DSEL: variants seen among roughly 807,000 people sequenced by gnomAD.
The protein encoded by DSEL is dermatan sulfate epimerase like, also known as dermatan-sulfate epimerase-like protein.
A neutral mutation model predicts 96.6 loss-of-function variants in DSEL; 61 were observed. That is an observed-to-expected ratio of 0.63 (90% CI 0.51 to 0.78). The LOEUF (loss-of-function observed/expected upper bound fraction) is 0.78. DSEL is among the 30% of genes least tolerant of loss of function. The pLI, the probability that DSEL is intolerant of heterozygous loss-of-function variation, is 0.00. For synonymous variants in DSEL, 514 were observed against 502.0 expected (o/e 1.02, Z -0.32); for missense variants, 1,320 against 1,430.8 (o/e 0.92, Z 1.25).
Position 67,511,080 on chromosome 18 carries a change from TTGG to T in DSEL, c.3526_3528del (p.Pro1176del). 1 of 1,614,104 alleles carries T rather than the reference TTGG, an allele frequency of 6.2e-7. No homozygotes were observed. The highest frequency in any genetic ancestry group is 8.5e-7 in the Non-Finnish European group (1 of 1,179,984). The stretch of plus-strand genomic sequence containing the variant: ...TTCTGTTTCCAAACATTAGTATTAG[TTGG>T]TGATATTTCCCCTTCATAGGGAAGG... On this transcript the variant is annotated inframe_deletion, in exon 2 of 2. Transcript: ENST00000310045.
In DSEL at chr18:67,512,593, T is replaced by C. The variant is rs1428631730; in HGVS notation, c.2016A>G (p.Glu672=). 6.2e-7 allele frequency: 1 copy of C among 1,614,052 alleles called. No individual in the cohort carries two copies. Among genetic ancestry groups the C allele is most frequent in the Admixed American group, 1.7e-5 (1 of 60,012 alleles). Residue 672 remains glutamate, a synonymous_variant, in exon 2 of 2, where the codon GAA becomes GAG. Coordinates refer to ENST00000310045, the MANE Select transcript of DSEL (RefSeq NM_032160.3). ...TQFVNVTFQM[E]PTITRIAYVF... ...CATATGCAATTCTTGTGATTGTGGG[T>C]TCCATCTGAAAAGTAACATTAACAA...
Position 67,506,628 on chromosome 18 carries a change from T to C in DSEL, c.*4342A>G, listed in dbSNP as rs911089323. 1.3e-5 allele frequency: 2 copies of C among 152,138 alleles called. No homozygotes were observed. The highest frequency in any genetic ancestry group is 1.3e-4 in the Admixed American group (2 of 15,276). The allele number at this position is 152,138 out of a possible 1,614,324, so 9.4% of individuals were successfully genotyped here. On this transcript the variant is annotated 3_prime_UTR_variant, in exon 2 of 2. Transcript: ENST00000310045. ...ATTTTTGTATTAACAGGAGTCTTAT[T>C]ACACATAGGTCTGATAAAACTGGTT... is the stretch of plus-strand genomic sequence containing the variant.
In DSEL at chr18:67,511,286, G is replaced by A; in HGVS notation, c.3323C>T (p.Ala1108Val). 3 of 1,609,830 alleles carry A rather than the reference G, an allele frequency of 1.9e-6. No individual in the cohort carries two copies. The highest frequency in any genetic ancestry group is 2.5e-6 in the Non-Finnish European group (3 of 1,179,980). The change falls in exon 2 of 2, where the codon GCA (alanine) becomes GTA (valine). Residue 1108 changes from alanine (A) to valine (V), a missense_variant. Around this residue, in one of 3 missense-constraint regions of DSEL, gnomAD observed 986 missense variants for 1,066.4 expected, o/e 0.92. Transcript: ENST00000310045. The stretch of plus-strand genomic sequence containing the variant: ...ATCTGTATTTATTCTCAAGGCTGCT[G>A]CTGTATTTGCTAGCCACAAGTGAGA... ...LLSHLWLANT[A>V]AALRINTDLL...
At position 67,513,959 on chromosome 18, in the gene DSEL, C is replaced by T. The variant is rs929846348; in HGVS notation, c.650G>A (p.Gly217Asp). ...MYEYSKVRSW[G>D]KQLLHNHQAT... is the part of the protein sequence containing the mutation. Reference sequence around the variant, plus strand: ...TTGGTGGTTATGGAGAAGCTGTTTGCCCCATGAGCGGACCTTGGAATACTC... The same window carrying T: ...TTGGTGGTTATGGAGAAGCTGTTTGTCCCATGAGCGGACCTTGGAATACTC... The change falls in exon 2 of 2, where the codon GGC becomes GAC. Residue 217 changes from glycine (G) to aspartate (D), a missense_variant. By Grantham distance (94) the Gly-to-Asp change is moderately conservative. Transcript: ENST00000310045. 1.9e-6 allele frequency: 3 copies of T among 1,614,026 alleles called. No individual in the cohort carries two copies. Among genetic ancestry groups the T allele is most frequent in the African/African-American group, 2.7e-5 (2 of 74,908 alleles).
chr18:67,511,573 C>G lies in DSEL; in HGVS notation c.3036G>C (p.Lys1012Asn). 6.2e-7 allele frequency: 1 copy of G among 1,613,288 alleles called. No individual in the cohort carries two copies. The highest frequency in any genetic ancestry group is 8.5e-7 in the Non-Finnish European group (1 of 1,179,838). ...LSLSSGSWTL[K>N]LHFFQEVLGA... ...CTAAAACTTCCTGAAAAAAATGAAG[C>G]TTTAACGTCCAGCTTCCACTGCTTA... The change falls in exon 2 of 2, where the codon AAG (lysine) becomes AAC (asparagine). Residue 1012 changes from lysine (K) to asparagine (N), a missense_variant. Around this residue, in one of 3 missense-constraint regions of DSEL, gnomAD observed 986 missense variants for 1,066.4 expected, o/e 0.92. Coordinates refer to ENST00000310045, the MANE Select transcript of DSEL (RefSeq NM_032160.3).
chr18:67,508,731 CT>C lies in DSEL; in HGVS notation c.*2238del, dbSNP rs71171183. On this transcript the variant is annotated 3_prime_UTR_variant, in exon 2 of 2. Transcript: ENST00000310045. ...TGCCAACAGGTACATTTCTTTTTTT[CT>C]TTTTTTTTTTTTTTTGAGGCGGAGT... 243 of 126,804 alleles carry C rather than the reference CT, an allele frequency of 1.9e-3. No individual in the cohort carries two copies. Among genetic ancestry groups the C allele is most frequent in the African/African-American group, 4.5e-3 (151 of 33,302 alleles). The allele number at this position is 126,804 out of a possible 1,614,324, so 7.9% of individuals were successfully genotyped here.
In DSEL at chr18:67,511,613, C is replaced by G; in HGVS notation, c.2996G>C (p.Arg999Pro). 1 of 1,614,168 alleles carries G rather than the reference C, an allele frequency of 6.2e-7. No homozygotes were observed. The highest frequency in any genetic ancestry group is 8.5e-7 in the Non-Finnish European group (1 of 1,180,028). Residue 999 changes from arginine to proline, a missense_variant, in exon 2 of 2, where the codon CGT becomes CCT. By Grantham distance (103) the Arg-to-Pro change is moderately radical (BLOSUM62 -2). This residue lies in a region of DSEL where 986 missense variants were observed against 1,066.4 expected (regional missense o/e 0.92). Transcript: ENST00000310045. ...TCCACTGCTTAAACTGAGCACAGGACGTGCACTTGGATAGTAAACCAGGTG... is the reference window on the plus strand; with the variant it reads ...TCCACTGCTTAAACTGAGCACAGGAGGTGCACTTGGATAGTAAACCAGGTG... ...RRHLVYYPSA[R>P]PVLSLSSGSW...
chr18:67,514,560 A>C lies in DSEL; in HGVS notation c.49T>G (p.Phe17Val), dbSNP rs759818489. 6.2e-7 allele frequency: 1 copy of C among 1,614,202 alleles called. No individual in the cohort carries two copies. Among genetic ancestry groups the C allele is most frequent in the Admixed American group, 1.7e-5 (1 of 60,032 alleles). Residue 17 changes from phenylalanine (F) to valine (V), a missense_variant, in exon 2 of 2, where the codon TTT (phenylalanine) becomes GTT (valine). Phe to Val is a conservative substitution (Grantham distance 50, BLOSUM62 -1). Around this residue, in one of 3 missense-constraint regions of DSEL, gnomAD observed 323 missense variants for 333.1 expected, o/e 0.97. Transcript: ENST00000310045. ...GATTCCTCAAAAGTAGAGAAAGCAA[A>C]CATCAATAATGCTAAGAATAGTAAA... ...GHLLFLALLM[F>V]AFSTFEESVS...
chr18:67,511,109 T>TA lies in DSEL; in HGVS notation c.3499dup (p.Tyr1167LeufsTer5), dbSNP rs764875790. ...TGATATTTCCCCTTCATAGGGAAGG[T>TA]AAAAAAGGTTTGTAGAGGTGGCAAA... On this transcript the variant is annotated frameshift_variant, in exon 2 of 2. Transcript: ENST00000310045. LOFTEE classifies it high-confidence loss of function. 1 of 1,614,100 alleles carries TA rather than the reference T, an allele frequency of 6.2e-7. No homozygotes were observed. The highest frequency in any genetic ancestry group is 8.5e-7 in the Non-Finnish European group (1 of 1,180,004).
rs910932809 is a variant in DSEL at position 67,513,506 on chromosome 18, C to T, written c.1103G>A (p.Arg368Gln). ...NWLAQQIRKH[R>Q]PKDGPMVPST... ...AGGAACCATCGGTCCATCTTTAGGT[C>T]GGTGCTTTCTAATTTGCTGAGCTAA... Residue 368 changes from arginine (R) to glutamine (Q), a missense_variant, in exon 2 of 2, where the codon CGA becomes CAA. Transcript: ENST00000310045. 21 of 1,614,012 alleles carry T rather than the reference C, an allele frequency of 1.3e-5. No individual in the cohort carries two copies. Among genetic ancestry groups the T allele is most frequent in the African/African-American group, 4.0e-5 (3 of 74,886 alleles).
In DSEL at chr18:67,512,483, T is replaced by C. The variant is rs1196670514; in HGVS notation, c.2126A>G (p.Asn709Ser). ...NPGLQISLNV[N>S]NTEHVVSIVT... ...AATAGAAACAACATGTTCAGTATTA[T>C]TGACATTGAGAGAAATCTGAAGTCC... Residue 709 changes from asparagine (N) to serine (S), a missense_variant, in exon 2 of 2, where the codon AAT becomes AGT. Asn to Ser is a conservative substitution (Grantham distance 46). Around this residue, in one of 3 missense-constraint regions of DSEL, gnomAD observed 986 missense variants for 1,066.4 expected, o/e 0.92. Coordinates refer to ENST00000310045, the MANE Select transcript of DSEL (RefSeq NM_032160.3). 1 of 1,614,112 alleles carries C rather than the reference T, an allele frequency of 6.2e-7. No individual in the cohort carries two copies. The highest frequency in any genetic ancestry group is 1.1e-5 in the South Asian group (1 of 91,082).
chr18:67,512,751 A>G lies in DSEL; in HGVS notation c.1858T>C (p.Tyr620His). The change falls in exon 2 of 2, where the codon TAT (tyrosine) becomes CAT (histidine). Residue 620 changes from tyrosine (Y) to histidine (H), a missense_variant. By Grantham distance (83) the Tyr-to-His change is moderately conservative. This residue lies in a region of DSEL where 986 missense variants were observed against 1,066.4 expected (regional missense o/e 0.92). Coordinates refer to ENST00000310045, the MANE Select transcript of DSEL (RefSeq NM_032160.3). ...KYIPYKFMNR[Y>H]NGAMMDVWDA... ...CACACATCCATCATGGCACCATTAT[A>G]CCTATTCATAAACTTATATGGGATA... is the stretch of plus-strand genomic sequence containing the variant. 1.2e-6 allele frequency: 2 copies of G among 1,614,072 alleles called. No individual in the cohort carries two copies. Among genetic ancestry groups the G allele is most frequent in the Non-Finnish European group, 1.7e-6 (2 of 1,179,994 alleles).
rs1454188395 is a variant in DSEL, at chr18:67,508,024, A to C, written c.*2946T>G. On this transcript the variant is annotated 3_prime_UTR_variant, in exon 2 of 2. Coordinates refer to ENST00000310045, the MANE Select transcript of DSEL (RefSeq NM_032160.3). Reference sequence around the variant, plus strand: ...TTACTTCACTTTTGTCAGCAAAATTAATAAGTCCTTTCAAAATTTTAAAAT... The same window carrying C: ...TTACTTCACTTTTGTCAGCAAAATTCATAAGTCCTTTCAAAATTTTAAAAT... 6.6e-6 allele frequency: 1 copy of C among 152,172 alleles called. No individual in the cohort carries two copies. The highest frequency in any genetic ancestry group is 1.5e-5 in the Non-Finnish European group (1 of 68,020). The allele number at this position is 152,172 out of a possible 1,614,324, so 9.4% of individuals were successfully genotyped here.
rs768501359 is a variant in DSEL at position 67,512,106 on chromosome 18, C to T, written c.2503G>A (p.Glu835Lys). The change falls in exon 2 of 2, where the codon GAG (glutamate) becomes AAG (lysine). Residue 835 changes from glutamate (E) to lysine (K), a missense_variant. Physicochemically the swap from Glu to Lys is moderately conservative, Grantham distance 56 (BLOSUM62 1). This residue lies in a region of DSEL where 986 missense variants were observed against 1,066.4 expected (regional missense o/e 0.92). Coordinates refer to ENST00000310045, the MANE Select transcript of DSEL (RefSeq NM_032160.3). The part of the protein sequence containing the change: ...QPICAKWTRT[E>K]AEGSKKSLSS... ...AAAGACTTCTTGCTTCCCTCAGCCT[C>T]TGTCCTTGTCCATTTTGCACAAATG... 2 of 1,614,204 alleles carry T rather than the reference C, an allele frequency of 1.2e-6. No individual in the cohort carries two copies. The highest frequency in any genetic ancestry group is 2.2e-5 in the South Asian group (2 of 91,078).
chr18:67,511,760 T>C lies in DSEL; in HGVS notation c.2849A>G (p.Tyr950Cys). The change falls in exon 2 of 2, where the codon TAT becomes TGT. Residue 950 changes from tyrosine to cysteine, a missense_variant. Tyr to Cys is a radical substitution (Grantham distance 194). Coordinates refer to ENST00000310045, the MANE Select transcript of DSEL (RefSeq NM_032160.3). ...TTTTTTGTCCTTATTCATTGCAAAATATTGGGCCAGTTTACCCCTATTGGG... is the reference window on the plus strand; with the variant it reads ...TTTTTTGTCCTTATTCATTGCAAAACATTGGGCCAGTTTACCCCTATTGGG... The part of the protein sequence containing the change: ...HEPNRGKLAQ[Y>C]FAMNKDKKRK... 1 of 1,614,162 alleles carries C rather than the reference T, an allele frequency of 6.2e-7. No individual in the cohort carries two copies. Among genetic ancestry groups the C allele is most frequent in the Non-Finnish European group, 8.5e-7 (1 of 1,180,028 alleles).
rs1384133601 is a variant in DSEL at position 67,512,413 on chromosome 18, T to A, written c.2196A>T (p.Gly732=). 1 of 1,614,072 alleles carries A rather than the reference T, an allele frequency of 6.2e-7. No individual in the cohort carries two copies. The highest frequency in any genetic ancestry group is 2.2e-5 in the East Asian group (1 of 44,890). The change falls in exon 2 of 2, where the codon GGA becomes GGT. Residue 732 remains glycine, a synonymous_variant. Coordinates refer to ENST00000310045, the MANE Select transcript of DSEL (RefSeq NM_032160.3). ...CAGCCACACTGGCAAAGCCACCGAATCCCAGATAATTGAATCTTGTCTTCA... is the reference window on the plus strand; with the variant it reads ...CAGCCACACTGGCAAAGCCACCGAAACCCAGATAATTGAATCTTGTCTTCA... ...HNLKTRFNYL[G]FGGFASVADQ...
Position 67,506,589 on chromosome 18 carries a change from G to A in DSEL, c.*4381C>T, listed in dbSNP as rs1312958834. ...AAATTATCCCAATCATAGACAAGTT[G>A]CTTTTAGCTTTTTATTTTTGTATTA... On this transcript the variant is annotated 3_prime_UTR_variant, in exon 2 of 2. Transcript: ENST00000310045. 1 of 152,012 alleles carries A rather than the reference G, an allele frequency of 6.6e-6. No individual in the cohort carries two copies. The highest frequency in any genetic ancestry group is 1.5e-5 in the Non-Finnish European group (1 of 68,010). The allele number at this position is 152,012 out of a possible 1,614,324, so 9.4% of individuals were successfully genotyped here. A position where few individuals can be genotyped will look rare whatever the true frequency, so the allele number is the denominator to read the frequency against.
chr18:67,511,890 TC>T lies in DSEL; in HGVS notation c.2718del (p.Trp906Ter). On this transcript the variant is annotated frameshift_variant, in exon 2 of 2. Coordinates refer to ENST00000310045, the MANE Select transcript of DSEL (RefSeq NM_032160.3). LOFTEE classifies it high-confidence loss of function. ...EIDSFVDACE[W>X]KVSDIRSGHF... is the part of the protein sequence containing the mutation. ...TGCCCACTGCGGATATCTGACACCTTCCATTCACAAGCATCTACAAATGAGT... is the reference window on the plus strand; with the variant it reads ...TGCCCACTGCGGATATCTGACACCTTCATTCACAAGCATCTACAAATGAGT... 1 of 1,614,144 alleles carries T rather than the reference TC, an allele frequency of 6.2e-7. No homozygotes were observed. The highest frequency in any genetic ancestry group is 8.5e-7 in the Non-Finnish European group (1 of 1,180,028).
In DSEL at chr18:67,513,644, C is replaced by T. The variant is rs2089457855; in HGVS notation, c.965G>A (p.Gly322Asp). The part of the protein sequence containing the change: ...FWFYYATLLP[G>D]FQRTVGIADS... ...TGCTATACCCACAGTTCTTTGGAAG[C>T]CAGGTAAAAGGGTGGCATAATAGAA... Residue 322 changes from glycine to aspartate, a missense_variant, in exon 2 of 2, where the codon GGC becomes GAC. By Grantham distance (94) the Gly-to-Asp change is moderately conservative. Coordinates refer to ENST00000310045, the MANE Select transcript of DSEL (RefSeq NM_032160.3). 6.2e-7 allele frequency: 1 copy of T among 1,614,032 alleles called. No individual in the cohort carries two copies. Among genetic ancestry groups the T allele is most frequent in the Non-Finnish European group, 8.5e-7 (1 of 1,180,036 alleles).
Sources: gnomAD v4.1 joint callset for allele counts on GRCh38, gnomAD v4.1.1 for gene constraint, gnomAD v4.1.1 regional missense constraint, MANE v1.5 for transcripts, NCBI Gene and HGNC (gene_info 2026-07-23, HGNC 2026-07-21) for gene names.